ABCB5: variants seen among roughly 807,000 people sequenced by gnomAD.
The protein encoded by ABCB5 is ATP-binding cassette sub-family B member 5.
A neutral mutation model predicts 144.2 loss-of-function variants in ABCB5; 155 were observed. The ratio of observed to expected loss-of-function variants is 1.08; its 90% CI spans 0.94 to 1.23. ABCB5 has a LOEUF of 1.23. ABCB5 is among the 50% of genes most tolerant of loss of function. The probability of loss-of-function intolerance (pLI) is 0.00; values close to 1 mark genes in which losing one functional copy is unlikely to be tolerated. For missense variants in ABCB5, 1,830 were observed against 1,520.8 expected, an observed-to-expected ratio of 1.20 and a Z score of -3.38; for synonymous variants, 610 against 528.6, an observed-to-expected ratio of 1.15 and a Z score of -2.11.
Position 20,727,139 on chromosome 7 carries a change from A to T in ABCB5, c.2725A>T (p.Arg909Ter), listed in dbSNP as rs1176418644. The change falls in exon 22 of 28, where the codon AGA becomes TGA. Residue 909 changes from arginine (R) to a stop codon, truncating the protein, a stop_gained and splice_region_variant. Transcript: ENST00000404938. LOFTEE classifies it high-confidence loss of function. ...TGAAGAGATGCTTCAGACTCAACACAGGTGATTATAGATTCATACTGACTT... is the reference window on the plus strand; with the variant it reads ...TGAAGAGATGCTTCAGACTCAACACTGGTGATTATAGATTCATACTGACTT... ...MYEEMLQTQH[R>*]NTSKKAQIIG... 6.2e-7 allele frequency: 1 copy of T among 1,610,734 alleles called. No homozygotes were observed. Among genetic ancestry groups the T allele is most frequent in the Admixed American group, 1.7e-5 (1 of 59,730 alleles).
chr7:20,685,784 G>A lies in ABCB5; in HGVS notation c.1958G>A (p.Ser653Asn), dbSNP rs745696978. Residue 653 changes from serine to asparagine, a missense_variant, in exon 16 of 28, where the codon AGC becomes AAC. Coordinates refer to ENST00000404938, the MANE Select transcript of ABCB5 (RefSeq NM_001163941.2). The part of the protein sequence containing the change: ...TNSLPLHSVK[S>N]IKSDFIDKAE... ...TCACTTCCTCTGCACTCTGTGAAGA[G>A]CATCAAGTCAGACTTCATTGACAAG... 60 of 1,613,488 alleles carry A rather than the reference G, an allele frequency of 3.7e-5. No homozygotes were observed. Among genetic ancestry groups the A allele is most frequent in the Non-Finnish European group, 5.0e-5 (59 of 1,179,794 alleles).
intron 13 of ABCB5, among the ~76,000 whole-genome samples, chr7:20,656,684 A>G (rs1278793282): frequency 7.7e-6 from 1 of 129,144 alleles, no homozygotes; most frequent in Non-Finnish European, 1.6e-5. Context: ...TAATCATTCT[A>G]GAAAGCAATT....
chr7:20,723,383 C>A (rs1781936768), intron 21 of ABCB5, among the ~76,000 whole-genome samples, 164 bp downstream of exon 21: 1 of 152,010 alleles, frequency 6.6e-6, no homozygotes, highest in Admixed American at 6.6e-5. Flanking sequence ...TGCATACAGA[C>A]CAATTTAGGA....
chr7:20,739,410 A>T (rs1782491793), intron 24 of ABCB5, among the ~76,000 whole-genome samples: 1 of 152,162 alleles, frequency 6.6e-6, no homozygotes, highest in Non-Finnish European at 1.5e-5. Context: ...TAAAAAATAA[A>T]TGTCCACTTA....
chr7:20,737,184 A>G (rs1257021751), intron 23 of ABCB5, among the ~76,000 whole-genome samples: 4 of 151,796 alleles, frequency 2.6e-5, no homozygotes, highest in African/African-American at 9.7e-5. Context: ...GAAGAAGATT[A>G]GTGTCCCTCA....
intron 1 of ABCB5, among the ~76,000 whole-genome samples, chr7:20,617,297 T>C (rs1415480781): frequency 6.6e-6 from 1 of 152,212 alleles, no homozygotes; most frequent in Non-Finnish European, 1.5e-5. Context: ...TTTTTTCCAG[T>C]GCATTTCTTT....
chr7:20,747,281 T>C (rs898113473), intron 26 of ABCB5, among the ~76,000 whole-genome samples: 1 of 152,198 alleles, frequency 6.6e-6, no homozygotes, highest in Non-Finnish European at 1.5e-5. Context: ...TTTTATTCTT[T>C]TTCCTTTGAG....
rs781199700 is a variant in ABCB5 at position 20,645,886 on chromosome 7, T to C, written c.803+6T>C. ...CAGGAGAAAGAACTTCAAAGGTCTTTCCTTTTAAATATAACAAGATATGCT... is the reference window on the plus strand; with the variant it reads ...CAGGAGAAAGAACTTCAAAGGTCTTCCCTTTTAAATATAACAAGATATGCT... On this transcript the variant is annotated splice_donor_region_variant and intron_variant, in intron 8 of 27. Coordinates refer to ENST00000404938, the MANE Select transcript of ABCB5 (RefSeq NM_001163941.2). 1.9e-6 allele frequency: 3 copies of C among 1,612,924 alleles called. No homozygotes were observed. Among genetic ancestry groups the C allele is most frequent in the South Asian group, 1.1e-5 (1 of 90,802 alleles).
At chr7:20,746,943 T>G (rs1163421747) in intron 26 of ABCB5, among the ~76,000 whole-genome samples, 4 of 152,174 alleles carry the variant, frequency 2.6e-5, no homozygotes, top group Admixed American at 2.0e-4. Context: ...TCTAGAGCCC[T>G]GTTCTTTGGT....
At chr7:20,738,008 T>C (rs149791597) in intron 23 of ABCB5, among the ~76,000 whole-genome samples, 48 of 152,302 alleles carry the variant, frequency 3.2e-4, no homozygotes, top group African/African-American at 1.1e-3. Context: ...ACTGAAGAGA[T>C]TGCATCAGCA....
chr7:20,679,121 A>G (rs1785703830), intron 14 of ABCB5, among the ~76,000 whole-genome samples: 1 of 152,166 alleles, frequency 6.6e-6, no homozygotes, highest in Non-Finnish European at 1.5e-5. Flanking sequence ...AAATTGATAA[A>G]TTGGACTTCA....
chr7:20,733,701 C>T (rs938232277), intron 23 of ABCB5, among the ~76,000 whole-genome samples: 4 of 151,048 alleles, frequency 2.6e-5, no homozygotes, highest in African/African-American at 9.8e-5. Flanking sequence ...TGCAGTGGCA[C>T]GATCTCAGCT....
chr7:20,670,198 C>T (rs986990744), intron 14 of ABCB5, among the ~76,000 whole-genome samples: 6 of 151,916 alleles, frequency 3.9e-5, no homozygotes, highest in South Asian at 2.1e-4. Flanking sequence ...AGAAAAAGAA[C>T]GTGAGTTGAA....
At chr7:20,617,269 C>A (rs559314260) in intron 1 of ABCB5, among the ~76,000 whole-genome samples, 1 of 152,222 alleles carries the variant, frequency 6.6e-6, no homozygotes, top group South Asian at 2.1e-4. Flanking sequence ...ATCTAATGAG[C>A]TTGTTTAAAA....
At chr7:20,664,258 C>A (rs1785100173) in intron 14 of ABCB5, among the ~76,000 whole-genome samples, 1 of 152,172 alleles carries the variant, frequency 6.6e-6, no homozygotes, top group African/African-American at 2.4e-5. Flanking sequence ...GAAAACCACA[C>A]TCACACTGTC....
chr7:20,719,111 T>C (rs1212699267), intron 20 of ABCB5, among the ~76,000 whole-genome samples: 5 of 152,330 alleles, frequency 3.3e-5, no homozygotes, highest in East Asian at 1.9e-4. Context: ...AGTATTTATG[T>C]CTAGAAGCAT....
chr7:20,681,057 T>C (rs1785794991), intron 14 of ABCB5, among the ~76,000 whole-genome samples: 3 of 66,760 alleles, frequency 4.5e-5, no homozygotes, highest in African/African-American at 2.2e-4. Flanking sequence ...TCTCTCTCTC[T>C]CTCTTTCTTT....
intron 20 of ABCB5, among the ~76,000 whole-genome samples, chr7:20,719,754 C>G (rs1781801789): frequency 6.6e-6 from 1 of 152,104 alleles, no homozygotes; most frequent in South Asian, 2.1e-4. Context: ...TCACATAGAT[C>G]AATCTATTAA....
chr7:20,755,793 A>T lies in ABCB5; in HGVS notation c.*169A>T, dbSNP rs1562596018. ...ACACCATCTGACCTTCAGATTTTTAAAAGGAAGCAAAAATTTGCTTATTTC... is the reference window on the plus strand; with the variant it reads ...ACACCATCTGACCTTCAGATTTTTATAAGGAAGCAAAAATTTGCTTATTTC... On this transcript the variant is annotated 3_prime_UTR_variant, in exon 28 of 28. Transcript: ENST00000404938. 2 of 651,162 alleles carry T rather than the reference A, an allele frequency of 3.1e-6. No individual in the cohort carries two copies. Among genetic ancestry groups the T allele is most frequent in the Non-Finnish European group, 5.0e-6 (2 of 400,236 alleles). The allele number at this position is 651,162 out of a possible 1,614,324, so 40.3% of individuals were successfully genotyped here.
Sources: allele counts gnomAD v4.1 joint callset (sites outside exome capture counted in the v4.1 genomes callset), GRCh38; gene constraint gnomAD v4.1.1; transcripts MANE v1.5; gene names NCBI Gene and HGNC (gene_info 2026-07-23, HGNC 2026-07-21).